MGST1: variants seen among roughly 807,000 people sequenced by gnomAD.
MGST1 encodes the protein microsomal glutathione S-transferase 1.
A neutral mutation model predicts 8.9 loss-of-function variants in MGST1; 5 were observed. That is an observed-to-expected ratio of 0.56 (90% confidence interval 0.29 to 1.19). The LOEUF is 1.19. MGST1 is among the 50% of genes most tolerant of loss of function. The probability of loss-of-function intolerance (pLI) is 0.08; values close to 1 mark genes in which losing one functional copy is unlikely to be tolerated. For synonymous variants in MGST1, 54 were observed against 67.8 expected (o/e 0.80, Z 1.00); for missense variants, 182 against 187.4 (o/e 0.97, Z 0.17).
chr12:16,582,710 C>A lies in MGST1; in HGVS notation n.483-6818C>A, dbSNP rs896787269. 2.6e-5 allele frequency among the ~76,000 whole-genome samples: 4 copies of A among 151,998 alleles called. No homozygotes were observed. Among genetic ancestry groups the A allele is most frequent in the African/African-American group, 9.7e-5 (4 of 41,382 alleles). On this transcript the variant is annotated intron_variant and non_coding_transcript_variant, in intron 4 of 4. Coordinates refer to the MGST1 transcript ENST00000538857. The surrounding 1 kb of genome is among the most constrained non-coding windows in gnomAD (Gnocchi z 4.1). The stretch of plus-strand genomic sequence containing the variant: ...AAGATCACCGTTCCTAGGTACGGTC[C>A]CTCACTCTTTTAAGTATCTGATTGG...
At chr12:16,392,408 C>G (rs1591715680) in intron 1 of MGST1, among the ~76,000 whole-genome samples, 1 of 152,176 alleles carries the variant, frequency 6.6e-6, no homozygotes, top group African/African-American at 2.4e-5. Context: ...TAATATCATG[C>G]AAACTTTTAG....
At chr12:16,557,034 T>G (rs1042918564) in intron 4 of MGST1, among the ~76,000 whole-genome samples, 2 of 152,226 alleles carry the variant, frequency 1.3e-5, no homozygotes. Context: ...CTTACTTGAC[T>G]GAGTTCTCCT....
chr12:16,512,727 T>C (rs1941584898), intron 4 of MGST1, among the ~76,000 whole-genome samples: 1 of 152,248 alleles, frequency 6.6e-6, no homozygotes, highest in Non-Finnish European at 1.5e-5. Flanking sequence ...CAGTGCGCTT[T>C]TTCAAAATGC....
intron 1 of MGST1, among the ~76,000 whole-genome samples, chr12:16,429,310 ACTT>A (rs1378185049): frequency 6.6e-6 from 1 of 152,076 alleles, no homozygotes; most frequent in African/African-American, 2.4e-5. Context: ...AGTTTGAACT[ACTT>A]ATTATTTATT....
chr12:16,418,314 A>G (rs1940803668), intron 1 of MGST1, among the ~76,000 whole-genome samples: 1 of 152,212 alleles, frequency 6.6e-6, no homozygotes, highest in Non-Finnish European at 1.5e-5. Context: ...TCCAAGGTTC[A>G]TGTTCTTTGC....
intron 3 of MGST1, among the ~76,000 whole-genome samples, chr12:16,374,244 T>A (rs1940345240): frequency 6.6e-6 from 1 of 152,166 alleles, no homozygotes; most frequent in Admixed American, 6.6e-5. Context: ...GCTGATGATG[T>A]CTAACATCTT....
intron 4 of MGST1, among the ~76,000 whole-genome samples, chr12:16,570,677 G>A (rs533669701): frequency 3.9e-5 from 6 of 152,234 alleles, no homozygotes; most frequent in East Asian, 1.9e-4. Flanking sequence ...AAACACGAAC[G>A]AGTGATTGGT....
chr12:16,523,395 A>G (rs114504513), intron 4 of MGST1, among the ~76,000 whole-genome samples: 2,113 of 152,006 alleles, frequency 0.014, 49 homozygotes, highest in African/African-American at 0.048. Flanking sequence ...AAAATATATT[A>G]TTTTACTCTG....
chr12:16,486,080 C>A (rs1001704167), intron 4 of MGST1, among the ~76,000 whole-genome samples: 1 of 152,268 alleles, frequency 6.6e-6, no homozygotes, highest in African/African-American at 2.4e-5. Context: ...TTGTTCCCTG[C>A]TCTTATTCAG....
intron 1 of MGST1, among the ~76,000 whole-genome samples, chr12:16,403,027 A>G (rs1940671968): frequency 6.6e-6 from 1 of 151,492 alleles, no homozygotes; most frequent in Non-Finnish European, 1.5e-5. Context: ...CAACTTAATC[A>G]TTTTTATCCT....
intron 4 of MGST1, among the ~76,000 whole-genome samples, chr12:16,456,590 A>G (rs1385771769): frequency 6.6e-6 from 1 of 151,932 alleles, no homozygotes; most frequent in Non-Finnish European, 1.5e-5. Flanking sequence ...TTTCTACAAT[A>G]AACGTCTTTT....
chr12:16,401,229 G>A lies in MGST1; in HGVS notation n.778+17625G>A, dbSNP rs1365605336. 1.3e-6 allele frequency: 2 copies of A among 1,569,008 alleles called. No homozygotes were observed. Among genetic ancestry groups the A allele is most frequent in the East Asian group, 2.2e-5 (1 of 44,574 alleles). On this transcript the variant is annotated intron_variant and non_coding_transcript_variant, in intron 1 of 1. Transcript: ENST00000359720. This position sits in a 1 kb window ranked among gnomAD's most constrained non-coding sequence, Gnocchi z 4.3. Reference sequence around the variant, plus strand: ...CTGTGTCACTAAGGAACAGGGCATAGGTTTTCTCTTCTGGCTTTTTCCCCT... The same window carrying A: ...CTGTGTCACTAAGGAACAGGGCATAAGTTTTCTCTTCTGGCTTTTTCCCCT...
intron 4 of MGST1, among the ~76,000 whole-genome samples, chr12:16,456,346 A>G (rs1405390782): frequency 6.6e-6 from 1 of 151,916 alleles, no homozygotes; most frequent in East Asian, 1.9e-4. Flanking sequence ...CATTTATAAT[A>G]TTAATCATTA....
intron 1 of MGST1, among the ~76,000 whole-genome samples, chr12:16,411,174 T>C (rs1197210464): frequency 6.6e-6 from 1 of 152,208 alleles, no homozygotes; most frequent in African/African-American, 2.4e-5. Context: ...TGTGTCTGTT[T>C]TCTTTGCCTG....
chr12:16,431,378 A>G lies in MGST1; in HGVS notation n.779-6010A>G, dbSNP rs534358038. 1.1e-4 allele frequency among the ~76,000 whole-genome samples: 16 copies of G among 152,084 alleles called. 1 individual carries two copies. The highest frequency in any genetic ancestry group is 2.1e-4 in the Non-Finnish European group (14 of 68,016). ...GGCATAAGAGGCCTAGGTTTGGCCTATCTTGGCTTTCCATATGCCTTCCTC... is the reference window on the plus strand; with the variant it reads ...GGCATAAGAGGCCTAGGTTTGGCCTGTCTTGGCTTTCCATATGCCTTCCTC... On this transcript the variant is annotated intron_variant and non_coding_transcript_variant, in intron 1 of 1. Transcript: ENST00000359720.
chr12:16,569,306 C>T (rs1942728055), intron 4 of MGST1, among the ~76,000 whole-genome samples: 1 of 151,970 alleles, frequency 6.6e-6, no homozygotes, highest in Non-Finnish European at 1.5e-5. Context: ...TTTGTTTTTC[C>T]CTGCAAAAAT....
chr12:16,579,776 G>C lies in MGST1; in HGVS notation n.483-9752G>C, dbSNP rs144653378. Among the ~76,000 whole-genome samples the C allele has an allele frequency of 3.9e-5, 6 of 152,278 alleles. No homozygotes were observed. In the East Asian group the frequency reaches 1.2e-3, roughly 29 times the overall value. On this transcript the variant is annotated intron_variant and non_coding_transcript_variant, in intron 4 of 4. Transcript: ENST00000538857. The stretch of plus-strand genomic sequence containing the variant: ...AGAATGACCAATAGATTCAGTGGCC[G>C]AGTGAATGCGATACTTTACAGAAAA...
In MGST1 at chr12:16,482,169, A is replaced by G. The variant is rs1941368557; in HGVS notation, n.482+98565A>G. On this transcript the variant is annotated intron_variant and non_coding_transcript_variant, in intron 4 of 4. Transcript: ENST00000538857. This position sits in a 1 kb window ranked among gnomAD's most constrained non-coding sequence, Gnocchi z 4.2. ...AAGATATTTTCATGAAAACCAAAGC[A>G]AATTACCACCAGTAGACCTCCAAAT... is the stretch of plus-strand genomic sequence containing the variant. Among the ~76,000 whole-genome samples the G allele has an allele frequency of 6.6e-6, 1 of 152,258 alleles. No homozygotes were observed. The highest frequency in any genetic ancestry group is 1.5e-5 in the Non-Finnish European group (1 of 68,046).
At chr12:16,353,445 G>C (rs1223065897) in intron 1 of MGST1, 1 of 152,148 alleles carries the variant, frequency 6.6e-6, no homozygotes, top group Non-Finnish European at 1.5e-5. Context: ...CTACAGTTTT[G>C]AATACTACTG....
Sources: gnomAD v4.1 joint callset for allele counts (sites outside exome capture counted in the v4.1 genomes callset) on GRCh38, gnomAD v4.1.1 for gene constraint, Gnocchi (gnomAD v3.1) non-coding constraint, MANE v1.5 for transcripts, NCBI Gene and HGNC (gene_info 2026-07-23, HGNC 2026-07-21) for gene names.